Variants in CENPW observed in about 807,000 individuals in gnomAD.
CENPW encodes the protein cancer-up-regulated gene 2 protein.
Under a neutral mutation model 11.1 loss-of-function variants are expected in CENPW, and 3 were observed. The ratio of observed to expected loss-of-function variants is 0.27; its 90% CI spans 0.12 to 0.70. The LOEUF is 0.70. Ranked by LOEUF, CENPW falls within the 30% of genes least tolerant of loss-of-function variation. CENPW has a pLI of 0.77. For synonymous variants in CENPW, 38 were observed against 42.0 expected (o/e 0.91, Z 0.37); for missense variants, 100 against 105.6 (o/e 0.95, Z 0.23).
At chr6:126,416,130 G>A in the CENPW span, among the ~76,000 whole-genome samples, 1 of 152,178 alleles carries the variant, frequency 6.6e-6, no homozygotes, top group Non-Finnish European at 1.5e-5. Flanking sequence ...AGATGGAAAT[G>A]AGAAACTTGT....
chr6:126,413,408 T>A, the CENPW span, among the ~76,000 whole-genome samples: 43 of 152,202 alleles, frequency 2.8e-4, no homozygotes, highest in Admixed American at 5.9e-4. Flanking sequence ...ACACCTTATA[T>A]GCCAGGAGAA....
chr6:126,431,440 C>T, the CENPW span, among the ~76,000 whole-genome samples: 5 of 152,182 alleles, frequency 3.3e-5, no homozygotes, highest in African/African-American at 7.2e-5. Flanking sequence ...GATTGTTTCT[C>T]CAAACATACA....
the CENPW span, among the ~76,000 whole-genome samples, chr6:126,475,120 CTTAAA>C: frequency 1.3e-5 from 2 of 152,028 alleles, no homozygotes; most frequent in Non-Finnish European, 2.9e-5. Context: ...TTATTTCTAA[CTTAAA>C]TTTATTTTAA....
chr6:126,414,818 A>G, the CENPW span, among the ~76,000 whole-genome samples: 1 of 151,878 alleles, frequency 6.6e-6, no homozygotes, highest in Admixed American at 6.5e-5. Flanking sequence ...AGATGAAGAA[A>G]ATGAAAAGTT....
downstream of CENPW, among the ~76,000 whole-genome samples, chr6:126,351,624 A>G (rs1378730040): frequency 1.3e-5 from 2 of 152,080 alleles, no homozygotes; most frequent in Non-Finnish European, 2.9e-5. Context: ...CAAGTAATTT[A>G]ACTGGAGCCT....
At chr6:126,352,653 T>C (rs1255152878), downstream of CENPW, among the ~76,000 whole-genome samples, 1 of 152,122 alleles carries the variant, frequency 6.6e-6, no homozygotes, top group East Asian at 1.9e-4. Flanking sequence ...ATCATGATGC[T>C]TACAAACATC....
chr6:126,381,894 C>G, the CENPW span, among the ~76,000 whole-genome samples: 3 of 152,122 alleles, frequency 2.0e-5, no homozygotes, highest in African/African-American at 7.2e-5. Context: ...TGAACCTTGG[C>G]TCCCTAAAAT....
the CENPW span, among the ~76,000 whole-genome samples, chr6:126,366,686 A>C: frequency 2.6e-5 from 4 of 152,200 alleles, no homozygotes; most frequent in African/African-American, 4.8e-5. Context: ...GAGAGACACT[A>C]TCCCTGTACT....
At chr6:126,438,281 A>C in the CENPW span, among the ~76,000 whole-genome samples, 1 of 151,692 alleles carries the variant, frequency 6.6e-6, no homozygotes, top group Non-Finnish European at 1.5e-5. Flanking sequence ...CAAATTGAGA[A>C]ACATATATGA....
chr6:126,404,090 G>A, the CENPW span, among the ~76,000 whole-genome samples: 6 of 152,016 alleles, frequency 3.9e-5, no homozygotes, highest in African/African-American at 1.4e-4. Flanking sequence ...CACATCTGTT[G>A]ACAGCATGGT....
the CENPW span, among the ~76,000 whole-genome samples, chr6:126,452,674 A>C: frequency 6.6e-6 from 1 of 151,062 alleles, no homozygotes; most frequent in Admixed American, 6.6e-5. Context: ...TCATGCTATC[A>C]GAGTGCCAAA....
At chr6:126,360,208 ATTGG>A in the CENPW span, among the ~76,000 whole-genome samples, 1 of 152,118 alleles carries the variant, frequency 6.6e-6, no homozygotes, top group Non-Finnish European at 1.5e-5. Flanking sequence ...ATACTAAATT[ATTGG>A]TTGGAATTGC....
the CENPW span, among the ~76,000 whole-genome samples, chr6:126,453,753 C>T: frequency 2.6e-5 from 4 of 151,032 alleles, no homozygotes; most frequent in African/African-American, 9.7e-5. Context: ...TTAAAGGGCA[C>T]ATATTGGAAG....
the CENPW span, among the ~76,000 whole-genome samples, chr6:126,372,633 A>G: frequency 2.0e-5 from 3 of 152,294 alleles, no homozygotes; most frequent in Non-Finnish European, 2.9e-5. Flanking sequence ...AGCCCATGAG[A>G]TCATGAAATT....
At chr6:126,391,002 G>T in the CENPW span, among the ~76,000 whole-genome samples, 2 of 151,774 alleles carry the variant, frequency 1.3e-5, no homozygotes, top group East Asian at 1.9e-4. Context: ...CAGGAGAATT[G>T]CTGGACAATA....
At chr6:126,442,387 AG>A in the CENPW span, among the ~76,000 whole-genome samples, 1 of 151,256 alleles carries the variant, frequency 6.6e-6, no homozygotes, top group Admixed American at 6.6e-5. Flanking sequence ...TACACTAAAA[AG>A]CTTCTGCACA....
downstream of CENPW, among the ~76,000 whole-genome samples, chr6:126,351,591 A>G (rs1780491505): frequency 6.6e-6 from 1 of 152,046 alleles, no homozygotes; most frequent in African/African-American, 2.4e-5. Context: ...CTGGATGTTG[A>G]AGAGAGTCAG....
chr6:126,371,708 C>G, the CENPW span, among the ~76,000 whole-genome samples: 1 of 152,088 alleles, frequency 6.6e-6, no homozygotes, highest in Non-Finnish European at 1.5e-5. Flanking sequence ...TCCATCTGGT[C>G]CTGGGCTTTT....
chr6:126,427,723 T>C, the CENPW span, among the ~76,000 whole-genome samples: 1 of 152,360 alleles, frequency 6.6e-6, no homozygotes, highest in South Asian at 2.1e-4. Flanking sequence ...ACTAACAAAG[T>C]ATTCAACTGT....
Sources: gnomAD v4.1 joint callset for allele counts (sites outside exome capture counted in the v4.1 genomes callset) on GRCh38, gnomAD v4.1.1 for gene constraint, MANE v1.5 for transcripts, NCBI Gene and HGNC (gene_info 2026-07-23, HGNC 2026-07-21) for gene names.